CSGALNACT1: variants seen among roughly 807,000 people sequenced by gnomAD.
CSGALNACT1 encodes the protein chondroitin sulfate N-acetylgalactosaminyltransferase 1, also known as beta4GalNAcT-1.
Under a neutral mutation model 51.0 loss-of-function variants are expected in CSGALNACT1, and 52 were observed. The ratio of observed to expected loss-of-function variants is 1.02; its 90% CI spans 0.82 to 1.29. The LOEUF (loss-of-function observed/expected upper bound fraction) is 1.29, where lower values mean the gene tolerates loss of function less well. Among genes scored for constraint, CSGALNACT1 ranks in the 50% most tolerant of loss-of-function variants. The probability of loss-of-function intolerance (pLI) is 0.00; values close to 1 mark genes in which losing one functional copy is unlikely to be tolerated. For synonymous variants in CSGALNACT1, 341 were observed against 254.4 expected (o/e 1.34, Z -3.24); for missense variants, 935 against 679.2 (o/e 1.38, Z -4.19).
At chr8:19,458,445 G>T in exon 5 of CSGALNACT1, 1 of 1,614,136 alleles carries the variant, frequency 6.2e-7, no homozygotes, top group Non-Finnish European at 8.5e-7. Context: ...TGCATGAACT[G>T]CCGGAACTTG....
chr8:19,471,944 A>G (rs1207366912), intron 4 of CSGALNACT1, among the ~76,000 whole-genome samples: 1 of 152,176 alleles, frequency 6.6e-6, no homozygotes, highest in Non-Finnish European at 1.5e-5. Flanking sequence ...GCTGCTCAAA[A>G]CAACTCCACA....
At chr8:19,694,072 T>G (rs569812862) in intron 1 of CSGALNACT1, among the ~76,000 whole-genome samples, 10 of 152,300 alleles carry the variant, frequency 6.6e-5, no homozygotes, top group African/African-American at 2.4e-4. Flanking sequence ...ACATAATACT[T>G]ATATTATTGA....
At chr8:19,667,089 A>G (rs1314332792) in intron 1 of CSGALNACT1, among the ~76,000 whole-genome samples, 2,407 of 122,240 alleles carry the variant, frequency 0.02, 465 homozygotes, top group African/African-American at 0.035. Context: ...GAAAGAAAGA[A>G]AGAAAGAAAG....
chr8:19,613,794 C>T (rs938124277), intron 1 of CSGALNACT1, among the ~76,000 whole-genome samples: 5 of 152,078 alleles, frequency 3.3e-5, no homozygotes, highest in East Asian at 1.9e-4. Flanking sequence ...AAATTATGAC[C>T]GTAGCTTTTT....
At chr8:19,744,330 C>T (rs1288814046) in intron 1 of CSGALNACT1, among the ~76,000 whole-genome samples, 3 of 152,212 alleles carry the variant, frequency 2.0e-5, no homozygotes, top group Non-Finnish European at 2.9e-5. Context: ...GATACACCCA[C>T]GTCATAGATT....
At chr8:19,469,200 G>A (rs2067478595) in intron 4 of CSGALNACT1, among the ~76,000 whole-genome samples, 1 of 152,098 alleles carries the variant, frequency 6.6e-6, no homozygotes, top group African/African-American at 2.4e-5. Context: ...GAGCAGTCTG[G>A]GAAACACAGC....
chr8:19,535,693 A>C (rs2083597055), intron 3 of CSGALNACT1, among the ~76,000 whole-genome samples: 1 of 152,176 alleles, frequency 6.6e-6, no homozygotes, highest in South Asian at 2.1e-4. Context: ...AATCTGATGT[A>C]ATACACCATA....
intron 1 of CSGALNACT1, among the ~76,000 whole-genome samples, chr8:19,704,841 C>T (rs1401472063): frequency 3.3e-5 from 5 of 152,128 alleles, no homozygotes; most frequent in Non-Finnish European, 7.4e-5. Flanking sequence ...ACAACCTAGA[C>T]ATGGAAAGAA....
chr8:19,702,155 T>A (rs1024726540), intron 1 of CSGALNACT1, among the ~76,000 whole-genome samples: 3 of 152,054 alleles, frequency 2.0e-5, no homozygotes, highest in Admixed American at 2.0e-4. Context: ...CACACCACCA[T>A]TGCAAGATGA....
At chr8:19,542,182 AAG>A (rs2154071573) in intron 3 of CSGALNACT1, among the ~76,000 whole-genome samples, 1 of 144,814 alleles carries the variant, frequency 6.9e-6, no homozygotes, top group South Asian at 2.3e-4. Context: ...CTAAAGAAAG[AAG>A]AGAGACAGCA....
At chr8:19,706,444 A>T (rs960743027) in intron 1 of CSGALNACT1, among the ~76,000 whole-genome samples, 7 of 152,186 alleles carry the variant, frequency 4.6e-5, no homozygotes, top group Admixed American at 1.3e-4. Context: ...CCATGAGGTC[A>T]AGGAATTGAA....
chr8:19,477,666 G>A (rs887336075), intron 4 of CSGALNACT1, among the ~76,000 whole-genome samples: 22 of 152,308 alleles, frequency 1.4e-4, no homozygotes, highest in African/African-American at 5.1e-4. Context: ...AGCCGGGTGT[G>A]AGCCCCAGCT....
chr8:19,682,755 C>T (rs1371002305), upstream of CSGALNACT1: 1 of 454,000 alleles, frequency 2.2e-6, no homozygotes, highest in Non-Finnish European at 4.4e-6. Context: ...GATCCCAGAA[C>T]AAGCCCGTCT....
At chr8:19,755,068 T>G (rs1000483511) in intron 1 of CSGALNACT1, among the ~76,000 whole-genome samples, 1 of 152,228 alleles carries the variant, frequency 6.6e-6, no homozygotes, top group African/African-American at 2.4e-5. Flanking sequence ...AATATTTATT[T>G]AGTCCTTATG....
chr8:19,712,370 C>T (rs1000093992), intron 1 of CSGALNACT1, among the ~76,000 whole-genome samples: 1 of 152,102 alleles, frequency 6.6e-6, no homozygotes, highest in African/African-American at 2.4e-5. Flanking sequence ...CATTGTTGTA[C>T]CAAGCTTCAC....
intron 1 of CSGALNACT1, among the ~76,000 whole-genome samples, chr8:19,721,719 T>C (rs1244366337): frequency 6.6e-6 from 1 of 152,230 alleles, no homozygotes; most frequent in Non-Finnish European, 1.5e-5. Flanking sequence ...TCATATCACA[T>C]ACTTGAGAAA....
At chr8:19,525,374 C>T (rs999564349) in intron 3 of CSGALNACT1, among the ~76,000 whole-genome samples, 2 of 151,718 alleles carry the variant, frequency 1.3e-5, no homozygotes, top group African/African-American at 4.8e-5. Flanking sequence ...GAGGCTGAGG[C>T]CGGCGGATCA....
intron 2 of CSGALNACT1, among the ~76,000 whole-genome samples, chr8:19,600,802 A>G (rs540842856): frequency 1.1e-4 from 17 of 151,220 alleles, no homozygotes; most frequent in African/African-American, 4.1e-4. Flanking sequence ...CCATTATTTT[A>G]TCTTAATAGT....
In CSGALNACT1 at chr8:19,611,114, G is replaced by C. The variant is rs373831896; in HGVS notation, c.-543-9249C>G. 7.2e-5 allele frequency among the ~76,000 whole-genome samples: 11 copies of C among 152,314 alleles called. No homozygotes were observed. The East Asian group carries it at 1.9e-3, about 27-fold the overall frequency. On this transcript the variant is annotated intron_variant, in intron 1 of 9. Transcript: ENST00000332246. ...AAACAAGGCATAGTTAAAATTGTGAGTAATTAAGACACCTGTTGCATGAAA... is the reference window on the plus strand; with the variant it reads ...AAACAAGGCATAGTTAAAATTGTGACTAATTAAGACACCTGTTGCATGAAA...
Sources: allele counts gnomAD v4.1 joint callset (sites outside exome capture counted in the v4.1 genomes callset), GRCh38; gene constraint gnomAD v4.1.1; transcripts MANE v1.5; gene names NCBI Gene and HGNC (gene_info 2026-07-23, HGNC 2026-07-21).